The following PACSIN2 variants were observed in gnomAD, a reference collection of about 807,000 sequenced individuals.
The protein encoded by PACSIN2 is protein kinase C and casein kinase substrate in neurons protein 2.
Under a neutral mutation model 63.8 loss-of-function variants are expected in PACSIN2, and 25 were observed. That is an observed-to-expected ratio of 0.39 (90% CI 0.29 to 0.55). The LOEUF (loss-of-function observed/expected upper bound fraction) is 0.55. PACSIN2 is among the 20% of genes least tolerant of loss of function. PACSIN2 has a pLI of 0.62. For synonymous variants in PACSIN2, 255 were observed against 256.2 expected (o/e 1.00, Z 0.05); for missense variants, 518 against 646.9 (o/e 0.80, Z 2.16).
chr22:42,975,820 C>A (rs1921664686), intron 1 of PACSIN2, among the ~76,000 whole-genome samples: 1 of 152,032 alleles, frequency 6.6e-6, no homozygotes, highest in East Asian at 1.9e-4. Flanking sequence ...ACTTATATAT[C>A]CATCACCTCT....
chr22:43,003,381 C>T lies in PACSIN2; in HGVS notation c.-78+11640G>A, dbSNP rs1923888417. On this transcript the variant is annotated intron_variant, in intron 1 of 10. Coordinates refer to ENST00000263246, the MANE Select transcript of PACSIN2 (RefSeq NM_001184970.3). ...CAGCACTTCGGGAGGCCAAGGCAGGCGGATCACGTCAGGAGATAGAGACCA... is the reference window on the plus strand; with the variant it reads ...CAGCACTTCGGGAGGCCAAGGCAGGTGGATCACGTCAGGAGATAGAGACCA... Among the ~76,000 whole-genome samples, 3 of 152,130 alleles carry T rather than the reference C, an allele frequency of 2.0e-5. No homozygotes were observed. The South Asian group carries it at 6.2e-4, about 32-fold the overall frequency.
chr22:42,921,692 A>C (rs972125187), intron 1 of PACSIN2, among the ~76,000 whole-genome samples: 1 of 152,148 alleles, frequency 6.6e-6, no homozygotes, highest in South Asian at 2.1e-4. Flanking sequence ...GGGAGCAATC[A>C]GGAGCCAGAA....
chr22:43,005,580 C>T (rs60948392), intron 1 of PACSIN2, among the ~76,000 whole-genome samples: 3,894 of 152,264 alleles, frequency 0.026, 168 homozygotes, highest in African/African-American at 0.09. Context: ...CGACTACACC[C>T]GTGACCCCGA....
chr22:42,917,347 C>T (rs1365796035), intron 1 of PACSIN2, among the ~76,000 whole-genome samples: 1 of 152,142 alleles, frequency 6.6e-6, no homozygotes, highest in Non-Finnish European at 1.5e-5. Flanking sequence ...TGGCTCACAC[C>T]TGTAATCCCA....
At chr22:42,883,799 A>G (rs1241077187) in intron 6 of PACSIN2, among the ~76,000 whole-genome samples, 1 of 152,176 alleles carries the variant, frequency 6.6e-6, no homozygotes, top group African/African-American at 2.4e-5. Flanking sequence ...AGGTCAAGAG[A>G]TCGAGACCAT....
chr22:42,981,521 T>G (rs1458007795), intron 1 of PACSIN2, among the ~76,000 whole-genome samples: 67 of 28,786 alleles, frequency 2.3e-3, no homozygotes, highest in African/African-American at 3.3e-3. Context: ...GGGAGGGAGG[T>G]GGGGGGGTCA....
intron 1 of PACSIN2, among the ~76,000 whole-genome samples, chr22:43,011,117 C>T (rs946131207): frequency 6.6e-6 from 1 of 152,214 alleles, no homozygotes; most frequent in Non-Finnish European, 1.5e-5. Context: ...TGGGACGCAT[C>T]TGGAGTCTGT....
intron 4 of PACSIN2, 33 bp downstream of exon 4, chr22:42,890,914 G>T: frequency 6.4e-7 from 1 of 1,570,044 alleles, no homozygotes; most frequent in Non-Finnish European, 8.8e-7. Flanking sequence ...GGCAGAGCAA[G>T]GCCGGGCAGG....
intron 1 of PACSIN2, among the ~76,000 whole-genome samples, chr22:42,957,071 C>T (rs761348165): frequency 3.3e-5 from 5 of 151,822 alleles, no homozygotes; most frequent in African/African-American, 9.7e-5. Flanking sequence ...TAAGCCACTG[C>T]GGCTCCTGAG....
intron 1 of PACSIN2, among the ~76,000 whole-genome samples, chr22:43,005,511 G>A (rs1347268953): frequency 6.6e-6 from 1 of 152,142 alleles, no homozygotes; most frequent in African/African-American, 2.4e-5. Context: ...TAAGTGCCAG[G>A]ATATGAGGGG....
At chr22:42,887,622 C>G (rs1929590242) in intron 5 of PACSIN2, among the ~76,000 whole-genome samples, 2 of 152,138 alleles carry the variant, frequency 1.3e-5, no homozygotes, top group African/African-American at 4.8e-5. Context: ...CACCCCCCAG[C>G]CCTCACCCCT....
chr22:42,936,165 A>C (rs1050653066), intron 1 of PACSIN2, among the ~76,000 whole-genome samples: 6 of 151,828 alleles, frequency 4.0e-5, no homozygotes, highest in Admixed American at 3.9e-4. Flanking sequence ...GCAGTGAGCC[A>C]AGATTGCGCC....
intron 10 of PACSIN2, among the ~76,000 whole-genome samples, chr22:42,872,692 C>T (rs1459555203): frequency 6.6e-6 from 1 of 152,100 alleles, no homozygotes. Context: ...GGCCTGTGGC[C>T]CTCATCTGTG....
At chr22:43,014,351 C>G (rs56319807) in intron 1 of PACSIN2, among the ~76,000 whole-genome samples, 247 of 18,030 alleles carry the variant, frequency 0.014, 5 homozygotes, top group Admixed American at 0.1. Context: ...CACACACACA[C>G]AGACACACAC....
chr22:42,944,403 G>A (rs567718886), intron 1 of PACSIN2, among the ~76,000 whole-genome samples: 1 of 152,248 alleles, frequency 6.6e-6, no homozygotes, highest in South Asian at 2.1e-4. Context: ...GTAAAATAAG[G>A]AAAATTAATA....
chr22:42,989,172 C>T (rs529622662), intron 1 of PACSIN2, among the ~76,000 whole-genome samples: 2 of 152,268 alleles, frequency 1.3e-5, no homozygotes, highest in African/African-American at 4.8e-5. Flanking sequence ...AGCCACTGCA[C>T]CTGGTCTAGT....
Position 42,893,438 on chromosome 22 carries a change from C to G in PACSIN2, c.217+19G>C. On this transcript the variant is annotated intron_variant, in intron 3 of 10. Transcript: ENST00000263246. ...TGTAGCTGCCTCCAGGCCACAGGAC[C>G]TGTGCCGGGGCCCCATACCTTTCTC... 1 of 1,608,538 alleles carries G rather than the reference C, an allele frequency of 6.2e-7. No individual in the cohort carries two copies. The highest frequency in any genetic ancestry group is 8.5e-7 in the Non-Finnish European group (1 of 1,179,746).
chr22:43,003,747 T>G (rs1490717884), intron 1 of PACSIN2, among the ~76,000 whole-genome samples: 2 of 152,228 alleles, frequency 1.3e-5, no homozygotes, highest in African/African-American at 4.8e-5. Flanking sequence ...TCTTCTCCCT[T>G]GTCTACCTGC....
At chr22:42,960,698 A>G (rs987308643) in intron 1 of PACSIN2, among the ~76,000 whole-genome samples, 3 of 152,212 alleles carry the variant, frequency 2.0e-5, no homozygotes, top group African/African-American at 7.2e-5. Flanking sequence ...AAGCCGGGAC[A>G]GGGAAGAGAA....
Sources: gnomAD v4.1 joint callset for allele counts (sites outside exome capture counted in the v4.1 genomes callset) on GRCh38, gnomAD v4.1.1 for gene constraint, MANE v1.5 for transcripts, NCBI Gene and HGNC (gene_info 2026-07-23, HGNC 2026-07-21) for gene names.